Variants in RYR2 observed in about 807,000 individuals in gnomAD.
RYR2 encodes ryanodine receptor 2.
RYR2 carries 227 observed loss-of-function variants against 601.1 expected under a neutral mutation model. The observed-to-expected ratio is 0.38, with a 90% CI of 0.34 to 0.42. The LOEUF (loss-of-function observed/expected upper bound fraction) is 0.42. RYR2 is among the 10% of genes least tolerant of loss of function. The probability of loss-of-function intolerance (pLI) is 1.00; values close to 1 mark genes in which losing one functional copy is unlikely to be tolerated. For missense variants in RYR2, 4,646 were observed against 6,156.5 expected, an observed-to-expected ratio of 0.75 and a Z score of 8.21; for synonymous variants, 2,223 against 2,175.1, an observed-to-expected ratio of 1.02 and a Z score of -0.61.
chr1:237,042,513 C>A lies in RYR2; in HGVS notation c.-9C>A, dbSNP rs1363244473. On this transcript the variant is annotated 5_prime_UTR_variant, in exon 1 of 105. Transcript: ENST00000366574. ...TCGGGAGCCGGCCCCGGCGAGGAGG[C>A]GCGGAACCATGGCCGATGGGGGCGA... 46 of 1,252,160 alleles carry A rather than the reference C, an allele frequency of 3.7e-5. No homozygotes were observed. Among genetic ancestry groups the A allele is most frequent in the Non-Finnish European group, 4.5e-5 (45 of 990,270 alleles). The allele number at this position is 1,252,160 out of a possible 1,614,324, so 77.6% of individuals were successfully genotyped here. A position where few individuals can be genotyped will look rare whatever the true frequency, so the allele number is the denominator to read the frequency against.
intron 96 of RYR2, among the ~76,000 whole-genome samples, chr1:237,796,797 G>A (rs139622614): frequency 4.0e-5 from 6 of 150,140 alleles, no homozygotes; most frequent in African/African-American, 1.5e-4. Context: ...TTCTTTTTTT[G>A]TTTTTGAGAC....
intron 1 of RYR2, among the ~76,000 whole-genome samples, chr1:237,181,898 C>T (rs1344637901): frequency 1.3e-5 from 2 of 152,084 alleles, no homozygotes; most frequent in African/African-American, 4.8e-5. Flanking sequence ...GACAGACTAG[C>T]GTCACAATCT....
intron 51 of RYR2, among the ~76,000 whole-genome samples, chr1:237,653,058 G>T (rs1682922938): frequency 6.6e-6 from 1 of 152,162 alleles, no homozygotes; most frequent in Admixed American, 6.5e-5. Flanking sequence ...TATAGATCAA[G>T]AATAAATTAT....
At chr1:237,240,970 T>C (rs1429582030) in intron 1 of RYR2, among the ~76,000 whole-genome samples, 1 of 152,210 alleles carries the variant, frequency 6.6e-6, no homozygotes, top group African/African-American at 2.4e-5. Flanking sequence ...ACAGGTAACA[T>C]TTTAGATCAA....
intron 10 of RYR2, among the ~76,000 whole-genome samples, chr1:237,407,604 T>C (rs1704025329): frequency 1.2e-5 from 1 of 82,756 alleles, no homozygotes; most frequent in East Asian, 5.7e-4. Context: ...TTTTAAATTG[T>C]GGTTGTTTTT....
chr1:237,398,339 C>G (rs1572142184), intron 10 of RYR2, among the ~76,000 whole-genome samples: 1 of 152,168 alleles, frequency 6.6e-6, no homozygotes, highest in Middle Eastern at 3.4e-3. Context: ...AGACAAGCTA[C>G]AGACTGAGAG....
intron 1 of RYR2, among the ~76,000 whole-genome samples, chr1:237,184,594 A>G (rs1236581476): frequency 6.6e-6 from 1 of 152,208 alleles, no homozygotes; most frequent in Non-Finnish European, 1.5e-5. Flanking sequence ...AAAATAATAC[A>G]TAGTCTACTT....
At chr1:237,293,802 T>C (rs1692480864) in intron 2 of RYR2, among the ~76,000 whole-genome samples, 1 of 152,124 alleles carries the variant, frequency 6.6e-6, no homozygotes. Context: ...AGCAACCTAG[T>C]TTTAATTCTG....
chr1:237,466,429 A>G (rs1660094083), intron 16 of RYR2, among the ~76,000 whole-genome samples: 1 of 152,170 alleles, frequency 6.6e-6, no homozygotes, highest in Non-Finnish European at 1.5e-5. Context: ...TGGCTCCCAA[A>G]GTACTGGGAT....
chr1:237,806,638 C>T (rs538478591), intron 99 of RYR2, among the ~76,000 whole-genome samples: 3 of 152,316 alleles, frequency 2.0e-5, no homozygotes, highest in South Asian at 4.1e-4. Flanking sequence ...ATTTGCTCCA[C>T]TTGCTATTAT....
chr1:237,345,027 A>C (rs1356686062), intron 3 of RYR2, among the ~76,000 whole-genome samples: 1 of 151,936 alleles, frequency 6.6e-6, no homozygotes, highest in Non-Finnish European at 1.5e-5. Context: ...GCCAGGATGG[A>C]ATCCATCTCC....
intron 63 of RYR2, among the ~76,000 whole-genome samples, chr1:237,689,429 C>T (rs1000535896): frequency 6.6e-6 from 1 of 152,178 alleles, no homozygotes; most frequent in African/African-American, 2.4e-5. Flanking sequence ...TATATGTAGA[C>T]TCCATTCTAT....
chr1:237,493,695 G>A (rs572777221), intron 19 of RYR2, among the ~76,000 whole-genome samples: 95 of 152,262 alleles, frequency 6.2e-4, no homozygotes, highest in Admixed American at 1.0e-3. Context: ...CTCGTGATCT[G>A]CCCGCCTTGG....
At chr1:237,472,683 T>TA (rs34226963) in intron 17 of RYR2, among the ~76,000 whole-genome samples, 1,733 of 146,252 alleles carry the variant, frequency 0.012, 23 homozygotes, top group East Asian at 0.055. Context: ...TATATTTTTG[T>TA]AAAAAAAAAA....
At chr1:237,053,220 A>G (rs1029262267) in intron 1 of RYR2, among the ~76,000 whole-genome samples, 2 of 152,192 alleles carry the variant, frequency 1.3e-5, no homozygotes, top group Non-Finnish European at 2.9e-5. Context: ...ACATGTTTCC[A>G]AGGCCAATGC....
chr1:237,549,670 T>C (rs931086709), intron 26 of RYR2, among the ~76,000 whole-genome samples: 4 of 143,192 alleles, frequency 2.8e-5, no homozygotes, highest in Non-Finnish European at 6.0e-5. Flanking sequence ...TCTTGGGAGA[T>C]GTGGTGGGAA....
chr1:237,320,348 T>C (rs1695512559), intron 2 of RYR2, among the ~76,000 whole-genome samples: 1 of 152,218 alleles, frequency 6.6e-6, no homozygotes, highest in Admixed American at 6.5e-5. Flanking sequence ...GGTGCTCAGC[T>C]TCTAGAGTTA....
intron 1 of RYR2, among the ~76,000 whole-genome samples, chr1:237,074,302 G>A (rs1278672975): frequency 1.3e-5 from 2 of 152,226 alleles, no homozygotes; most frequent in Non-Finnish European, 2.9e-5. Flanking sequence ...GGGTGACAGA[G>A]CAAGATCAAG....
intron 29 of RYR2, among the ~76,000 whole-genome samples, chr1:237,577,500 C>CTGTGTGTGTG (rs763937941): frequency 2.5e-4 from 28 of 113,860 alleles, no homozygotes; most frequent in Admixed American, 8.3e-4. Context: ...GTGTGTGTTT[C>CTGTGTGTGTG]TGTGTGTGTG....
Sources: gnomAD v4.1 joint callset for allele counts (sites outside exome capture counted in the v4.1 genomes callset) on GRCh38, gnomAD v4.1.1 for gene constraint, MANE v1.5 for transcripts, NCBI Gene and HGNC (gene_info 2026-07-23, HGNC 2026-07-21) for gene names.